PRKAG2: variants seen among roughly 807,000 people sequenced by gnomAD.
The protein encoded by PRKAG2 is 5'-AMP-activated protein kinase subunit gamma-2.
Under a neutral mutation model 69.6 loss-of-function variants are expected in PRKAG2, and 26 were observed. The ratio of observed to expected loss-of-function variants is 0.37; its 90% CI spans 0.27 to 0.52. PRKAG2 has a LOEUF of 0.52. Ranked by LOEUF, PRKAG2 falls within the 20% of genes least tolerant of loss-of-function variation. PRKAG2 has a pLI of 0.90. For synonymous variants in PRKAG2, 293 were observed against 285.0 expected, an observed-to-expected ratio of 1.03 and a Z score of -0.28; for missense variants, 557 against 740.0, an observed-to-expected ratio of 0.75 and a Z score of 2.87.
chr7:151,711,723 G>A (rs767670719), intron 3 of PRKAG2, among the ~76,000 whole-genome samples: 1 of 152,188 alleles, frequency 6.6e-6, no homozygotes, highest in Non-Finnish European at 1.5e-5. Context: ...TTGAAGGAAC[G>A]AGGAAGAGAA....
chr7:151,691,009 A>C (rs1017292133), intron 3 of PRKAG2, among the ~76,000 whole-genome samples: 2 of 152,188 alleles, frequency 1.3e-5, no homozygotes, highest in Non-Finnish European at 2.9e-5. Context: ...TTAAATCTTA[A>C]GCTCTTTAAA....
rs1472720738 is a variant in PRKAG2 at position 151,583,165 on chromosome 7, C to T, written c.865-6713G>A. Among the ~76,000 whole-genome samples the T allele has an allele frequency of 6.6e-6, 1 of 152,142 alleles. No homozygotes were observed. The highest frequency in any genetic ancestry group is 6.6e-5 in the Admixed American group (1 of 15,264). On this transcript the variant is annotated intron_variant, in intron 6 of 15. Coordinates refer to ENST00000287878, the MANE Select transcript of PRKAG2 (RefSeq NM_016203.4). The surrounding 1 kb of genome is among the most constrained non-coding windows in gnomAD (Gnocchi z 4.1). ...CCTCCTGAGTAGCTGGGATCACAGGCATATGCCACCATGCTCAGCTAATTT... is the reference window on the plus strand; with the variant it reads ...CCTCCTGAGTAGCTGGGATCACAGGTATATGCCACCATGCTCAGCTAATTT...
intron 1 of PRKAG2, among the ~76,000 whole-genome samples, chr7:151,852,351 C>T (rs1047887815): frequency 2.0e-5 from 3 of 152,082 alleles, no homozygotes; most frequent in African/African-American, 4.8e-5. Flanking sequence ...AAAAATTAAC[C>T]GGGCATGGTA....
At chr7:151,606,769 G>A (rs1029264670) in intron 5 of PRKAG2, among the ~76,000 whole-genome samples, 7 of 152,016 alleles carry the variant, frequency 4.6e-5, no homozygotes, top group Non-Finnish European at 5.9e-5. Context: ...GCAGTGAGCC[G>A]AGATCCTACC....
intron 4 of PRKAG2, among the ~76,000 whole-genome samples, chr7:151,646,891 C>T (rs963128720): frequency 2.0e-5 from 3 of 152,212 alleles, no homozygotes; most frequent in African/African-American, 7.2e-5. Context: ...ACACTGGAGC[C>T]AGCTGGAGCG....
At chr7:151,671,254 A>C (rs1832000216) in intron 4 of PRKAG2, among the ~76,000 whole-genome samples, 1 of 152,126 alleles carries the variant, frequency 6.6e-6, no homozygotes, top group African/African-American at 2.4e-5. Context: ...TTTTAGAATA[A>C]AATTCATGGG....
intron 3 of PRKAG2, among the ~76,000 whole-genome samples, chr7:151,774,624 T>C (rs1483146567): frequency 3.3e-5 from 5 of 152,110 alleles, no homozygotes; most frequent in African/African-American, 9.7e-5. Context: ...CTGGCCAACA[T>C]GGCGAAACCC....
intron 6 of PRKAG2, among the ~76,000 whole-genome samples, chr7:151,594,031 C>T (rs1161774199): frequency 6.6e-6 from 1 of 152,174 alleles, no homozygotes; most frequent in Non-Finnish European, 1.5e-5. Flanking sequence ...AAGCAGGCCA[C>T]ACCTGGGGGT....
At position 151,602,651 on chromosome 7, in the gene PRKAG2, A is replaced by G. The variant is rs188234786; in HGVS notation, c.755-7197T>C. On this transcript the variant is annotated intron_variant, in intron 5 of 15. Transcript: ENST00000287878. ...ATATACTCCATATCAGGTTCCCCCA[A>G]GTTTATCATCTTACGTTATTGATAT... 8.7e-4 allele frequency among the ~76,000 whole-genome samples: 132 copies of G among 152,292 alleles called. No homozygotes were observed. In the Middle Eastern group the frequency reaches 0.01, roughly 12 times the overall value.
At chr7:151,649,699 T>C (rs921791109) in intron 4 of PRKAG2, among the ~76,000 whole-genome samples, 2 of 152,082 alleles carry the variant, frequency 1.3e-5, no homozygotes, top group Non-Finnish European at 2.9e-5. Flanking sequence ...ATGCAGTGCC[T>C]CCCCTCCTTC....
At chr7:151,608,901 T>A (rs1435415128) in intron 5 of PRKAG2, among the ~76,000 whole-genome samples, 1 of 152,074 alleles carries the variant, frequency 6.6e-6, no homozygotes, top group East Asian at 1.9e-4. Context: ...TTTCTTTCTT[T>A]TTTGTTCAAG....
Position 151,814,475 on chromosome 7 carries a change from G to C in PRKAG2, c.115-27934C>G, listed in dbSNP as rs1389381975. Reference sequence around the variant, plus strand: ...AGATGCTAATAAGCAGTGCAGGCTTGTAAGCTGCTGGATGGCAGGATGCGA... The same window carrying C: ...AGATGCTAATAAGCAGTGCAGGCTTCTAAGCTGCTGGATGGCAGGATGCGA... On this transcript the variant is annotated intron_variant, in intron 1 of 15. Coordinates refer to ENST00000287878, the MANE Select transcript of PRKAG2 (RefSeq NM_016203.4). The surrounding 1 kb of genome is among the most constrained non-coding windows in gnomAD (Gnocchi z 4.8). The C allele has an allele frequency of 1.6e-6, 2 of 1,230,512 alleles. No individual in the cohort carries two copies. Among genetic ancestry groups the C allele is most frequent in the African/African-American group, 3.1e-5 (2 of 64,408 alleles). 76.2% of individuals were successfully genotyped at this position (1,230,512 alleles called of 1,614,324 possible). A position where few individuals can be genotyped will look rare whatever the true frequency, so the allele number is the denominator to read the frequency against.
intron 5 of PRKAG2, among the ~76,000 whole-genome samples, chr7:151,607,364 C>G (rs1182354722): frequency 6.6e-6 from 1 of 152,158 alleles, no homozygotes; most frequent in Non-Finnish European, 1.5e-5. Context: ...TCACTGCAGC[C>G]TTGAACTCTC....
intron 5 of PRKAG2, among the ~76,000 whole-genome samples, chr7:151,599,544 A>AC (rs1815477013): frequency 6.6e-6 from 1 of 152,192 alleles, no homozygotes; most frequent in Admixed American, 6.5e-5. Flanking sequence ...TTTGTGGAAG[A>AC]CAATTTTTCC....
chr7:151,783,912 C>CAAAAAAA (rs536105914), intron 2 of PRKAG2, among the ~76,000 whole-genome samples: 3 of 28,944 alleles, frequency 1.0e-4, no homozygotes, highest in African/African-American at 3.5e-4. Flanking sequence ...GACCCTGTCT[C>CAAAAAAA]AAAAAAAAAA....
chr7:151,773,488 C>T (rs1306686187), intron 3 of PRKAG2, among the ~76,000 whole-genome samples: 3 of 152,126 alleles, frequency 2.0e-5, no homozygotes, highest in Admixed American at 2.0e-4. Context: ...ACAACTTAAG[C>T]CCTCGTGCCT....
chr7:151,601,702 G>A (rs1009308448), intron 5 of PRKAG2, among the ~76,000 whole-genome samples: 2 of 152,216 alleles, frequency 1.3e-5, no homozygotes, highest in African/African-American at 4.8e-5. Context: ...AGTTGCCAAA[G>A]AATGTCCTGG....
At chr7:151,613,214 T>C (rs1455159895) in intron 5 of PRKAG2, among the ~76,000 whole-genome samples, 1 of 152,182 alleles carries the variant, frequency 6.6e-6, no homozygotes. Flanking sequence ...TTTTCAGAAA[T>C]TATTATTTGT....
At chr7:151,672,959 C>G (rs1262829307) in intron 4 of PRKAG2, among the ~76,000 whole-genome samples, 4 of 152,180 alleles carry the variant, frequency 2.6e-5, no homozygotes. Context: ...AGGACCTATA[C>G]TTGTTGGCCT....
Sources: gnomAD v4.1 joint callset for allele counts (sites outside exome capture counted in the v4.1 genomes callset) on GRCh38, gnomAD v4.1.1 for gene constraint, Gnocchi (gnomAD v3.1) non-coding constraint, MANE v1.5 for transcripts, NCBI Gene and HGNC (gene_info 2026-07-23, HGNC 2026-07-21) for gene names.